Variants in ANK3 observed in about 807,000 individuals in gnomAD.
The protein encoded by ANK3 is ankyrin-3.
Under a neutral mutation model 370.9 loss-of-function variants are expected in ANK3, and 57 were observed. That is an observed-to-expected ratio of 0.15 (90% CI 0.12 to 0.19). ANK3 has a LOEUF of 0.19. Among genes scored for constraint, ANK3 ranks in the 10% least tolerant of loss-of-function variants. ANK3 has a pLI of 1.00. For synonymous variants in ANK3, 1,929 were observed against 1,946.3 expected, an observed-to-expected ratio of 0.99 and a Z score of 0.23; for missense variants, 4,439 against 5,302.1, an observed-to-expected ratio of 0.84 and a Z score of 5.06.
At chr10:60,204,035 C>A in intron 11 of ANK3, among the ~76,000 whole-genome samples, 1 of 151,732 alleles carries the variant, frequency 6.6e-6, no homozygotes, top group South Asian at 2.1e-4. Flanking sequence ...AAAAAAGGGA[C>A]AGAAGGGGAT....
chr10:60,427,480 A>G (rs1234524724), intron 2 of ANK3, among the ~76,000 whole-genome samples: 1 of 151,992 alleles, frequency 6.6e-6, no homozygotes, highest in African/African-American at 2.4e-5. Flanking sequence ...TTTTAAAAGC[A>G]CTTTTGCCTA....
intron 25 of ANK3, among the ~76,000 whole-genome samples, chr10:60,131,104 T>C (rs1035556427): frequency 6.6e-6 from 1 of 152,216 alleles, no homozygotes; most frequent in Admixed American, 6.5e-5. Flanking sequence ...CCCAATATTC[T>C]CTGAGTAGGT....
chr10:60,251,221 T>G (rs2097659432), intron 7 of ANK3, among the ~76,000 whole-genome samples: 1 of 152,192 alleles, frequency 6.6e-6, no homozygotes, highest in South Asian at 2.1e-4. Flanking sequence ...TATTTCAAAG[T>G]CTTAGCAGTG....
At chr10:60,141,117 G>C in intron 23 of ANK3, 1 of 727,838 alleles carries the variant, frequency 1.4e-6, no homozygotes, top group Non-Finnish European at 1.7e-6. Flanking sequence ...TGTGAAACTG[G>C]GGCTAAGGAA....
At chr10:60,133,948 C>A (rs1357697129) in intron 25 of ANK3, among the ~76,000 whole-genome samples, 1 of 152,022 alleles carries the variant, frequency 6.6e-6, no homozygotes, top group South Asian at 2.1e-4. Flanking sequence ...GAGGTTAATA[C>A]CAGCAACTTC....
intron 7 of ANK3, among the ~76,000 whole-genome samples, chr10:60,248,073 C>A (rs895424317): frequency 4.6e-5 from 7 of 152,206 alleles, no homozygotes; most frequent in African/African-American, 1.7e-4. Context: ...TTCTGTTTAT[C>A]CATTCATCTG....
chr10:60,180,109 A>G (rs754554462), intron 18 of ANK3, among the ~76,000 whole-genome samples: 11 of 152,200 alleles, frequency 7.2e-5, no homozygotes, highest in Non-Finnish European at 1.6e-4. Flanking sequence ...TTCAAGCAGC[A>G]TAAGAAAATA....
chr10:60,285,305 T>C (rs1293560657), intron 1 of ANK3, among the ~76,000 whole-genome samples: 1 of 152,176 alleles, frequency 6.6e-6, no homozygotes, highest in African/African-American at 2.4e-5. Context: ...CTCCTTTAAA[T>C]ATCAAACATT....
At chr10:60,668,356 G>A (rs966347671) in intron 1 of ANK3, among the ~76,000 whole-genome samples, 1 of 151,494 alleles carries the variant, frequency 6.6e-6, no homozygotes, top group Non-Finnish European at 1.5e-5. Context: ...CTATTCATAG[G>A]CCTGGGGACC....
At chr10:60,278,666 T>G in intron 4 of ANK3, 108 bp downstream of exon 4, 1 of 888,398 alleles carries the variant, frequency 1.1e-6, no homozygotes, top group South Asian at 1.5e-5. Flanking sequence ...AATATAGTTC[T>G]TAAGTATTCT....
At chr10:60,134,899 T>C (rs146046056) in intron 24 of ANK3, among the ~76,000 whole-genome samples, 1 of 152,354 alleles carries the variant, frequency 6.6e-6, no homozygotes, top group Admixed American at 6.5e-5. Context: ...CATGATCCTT[T>C]TTGCCATCTT....
chr10:60,225,741 T>C (rs1208558717), intron 8 of ANK3, among the ~76,000 whole-genome samples: 2 of 152,102 alleles, frequency 1.3e-5, no homozygotes, highest in African/African-American at 4.8e-5. Context: ...ACAGCCTTCA[T>C]TCTGAGACTA....
At chr10:60,580,045 T>C (rs2077729793) in intron 2 of ANK3, among the ~76,000 whole-genome samples, 1 of 152,206 alleles carries the variant, frequency 6.6e-6, no homozygotes, top group South Asian at 2.1e-4. Context: ...TTTTGTCATA[T>C]TTACCAAATT....
At chr10:60,373,495 G>A (rs539955524) in intron 1 of ANK3, among the ~76,000 whole-genome samples, 8 of 152,216 alleles carry the variant, frequency 5.3e-5, no homozygotes, top group Admixed American at 1.3e-4. Flanking sequence ...TCATATAATC[G>A]ATTCACCATG....
chr10:60,322,462 T>C (rs898855444), intron 1 of ANK3, among the ~76,000 whole-genome samples: 3 of 151,940 alleles, frequency 2.0e-5, no homozygotes, highest in Admixed American at 2.0e-4. Context: ...GTAGTGGTAT[T>C]ATTTGAAAAA....
intron 2 of ANK3, among the ~76,000 whole-genome samples, chr10:60,440,550 T>C (rs4505011): frequency 0.76 from 116,214 of 151,950 alleles, 44,520 homozygotes; most frequent in South Asian, 0.92. Context: ...CCCATGATCC[T>C]CTCACCTCCC....
intron 2 of ANK3, among the ~76,000 whole-genome samples, chr10:60,418,394 A>G (rs1444395067): frequency 6.6e-6 from 1 of 152,042 alleles, no homozygotes; most frequent in African/African-American, 2.4e-5. Context: ...TTCCAGCAAA[A>G]GCCTTCCCTA....
intron 1 of ANK3, among the ~76,000 whole-genome samples, chr10:60,712,136 A>C (rs2079718795): frequency 6.6e-6 from 1 of 152,238 alleles, no homozygotes; most frequent in Admixed American, 6.5e-5. Context: ...GCCTAAGCCT[A>C]GGAATTCAAG....
chr10:60,398,071 G>T (rs984871516), intron 2 of ANK3, among the ~76,000 whole-genome samples: 10 of 152,086 alleles, frequency 6.6e-5, no homozygotes, highest in Admixed American at 1.3e-4. Context: ...AAGGCCAGGT[G>T]GTCTCTATTG....
Sources: gnomAD v4.1 joint callset for allele counts (sites outside exome capture counted in the v4.1 genomes callset) on GRCh38, gnomAD v4.1.1 for gene constraint, MANE v1.5 for transcripts, NCBI Gene and HGNC (gene_info 2026-07-23, HGNC 2026-07-21) for gene names.